Variants in STAP1 observed in about 807,000 individuals in gnomAD.
STAP1 encodes the protein signal transducing adaptor family member 1, also known as signal-transducing adaptor protein 1.
In STAP1, 30 loss-of-function variants were observed where a neutral mutation model predicts 37.8. That is an observed-to-expected ratio of 0.79 (90% CI 0.59 to 1.08). The LOEUF (loss-of-function observed/expected upper bound fraction) is 1.08. Ranked by LOEUF, STAP1 falls within the 50% of genes least tolerant of loss-of-function variation. The pLI is 0.00. For missense variants in STAP1, 357 were observed against 349.4 expected, an observed-to-expected ratio of 1.02 and a Z score of -0.17; for synonymous variants, 130 against 116.0, an observed-to-expected ratio of 1.12 and a Z score of -0.78.
intron 1 of STAP1, among the ~76,000 whole-genome samples, chr4:67,562,746 T>C (rs907281790): frequency 2.0e-5 from 3 of 151,982 alleles, no homozygotes; most frequent in African/African-American, 7.2e-5. Flanking sequence ...CACTCCAACC[T>C]GGGCAACAGA....
chr4:67,570,458 G>A (rs1285920989), intron 1 of STAP1, among the ~76,000 whole-genome samples: 2 of 152,100 alleles, frequency 1.3e-5, no homozygotes, highest in Non-Finnish European at 2.9e-5. Flanking sequence ...TCTTTTTGTG[G>A]CACATGATTG....
rs141115095 is a variant in STAP1 at position 67,590,933 on chromosome 4, A to T, written c.709A>T (p.Thr237Ser). 2 of 1,612,172 alleles carry T rather than the reference A, an allele frequency of 1.2e-6. No homozygotes were observed. Residue 237 changes from threonine to serine, a missense_variant, in exon 7 of 9, where the codon ACT (threonine) becomes TCT (serine). Coordinates refer to ENST00000265404, the MANE Select transcript of STAP1 (RefSeq NM_012108.4). ...AGTGATGAGCGTAGGACAAAACTAC[A>T]CTATTGAACTGGAAAAACCTGTAAG... ...YKVMSVGQNY[T>S]IELEKPVTLP...
chr4:67,571,238 C>G, intron 2 of STAP1, 83 bp downstream of exon 2: 1 of 952,232 alleles, frequency 1.1e-6, no homozygotes, highest in Non-Finnish European at 1.6e-6. Context: ...GATTTTCTGC[C>G]ATCCAAGAAT....
intron 5 of STAP1, among the ~76,000 whole-genome samples, chr4:67,582,111 TCACTGAAACCCGCCAAC>T (rs1416302280): frequency 6.6e-6 from 1 of 152,092 alleles, no homozygotes; most frequent in Non-Finnish European, 1.5e-5. Context: ...TGTACTACAA[TCACTGAAACCCGCCAAC>T]CATCATTTTT....
intron 2 of STAP1, among the ~76,000 whole-genome samples, chr4:67,574,307 T>G (rs1416564982): frequency 6.6e-6 from 1 of 152,136 alleles, no homozygotes; most frequent in Non-Finnish European, 1.5e-5. Context: ...ATTTGACAAA[T>G]GGAGATTTAA....
At chr4:67,579,897 G>T (rs533454341) in intron 4 of STAP1, among the ~76,000 whole-genome samples, 15 of 151,776 alleles carry the variant, frequency 9.9e-5, no homozygotes, top group Non-Finnish European at 1.9e-4. Context: ...ATGGAGTCTT[G>T]CTCTGTCACC....
intron 6 of STAP1, among the ~76,000 whole-genome samples, chr4:67,588,341 AGAC>A (rs35696741): frequency 6.8e-6 from 1 of 146,878 alleles, no homozygotes; most frequent in African/African-American, 2.5e-5. Flanking sequence ...GCTTTGCCAT[AGAC>A]GACGACGACG....
chr4:67,595,013 C>T (rs1728194651), intron 8 of STAP1, among the ~76,000 whole-genome samples: 1 of 151,962 alleles, frequency 6.6e-6, no homozygotes, highest in African/African-American at 2.4e-5. Flanking sequence ...TTAACAGTGT[C>T]TTTAGGAGAG....
chr4:67,598,387 A>G (rs571547760), intron 8 of STAP1, among the ~76,000 whole-genome samples: 1 of 152,192 alleles, frequency 6.6e-6, no homozygotes, highest in East Asian at 1.9e-4. Flanking sequence ...ACTAATTTAC[A>G]TTCCCACTAA....
chr4:67,576,538 G>T (rs1035718953), intron 3 of STAP1, among the ~76,000 whole-genome samples: 7 of 152,202 alleles, frequency 4.6e-5, no homozygotes, highest in African/African-American at 1.7e-4. Flanking sequence ...CCTGTGAAGT[G>T]CTTAAAATAG....
At chr4:67,606,218 C>T (rs1042758136) in intron 8 of STAP1, 78 bp from the exon 9 acceptor site, 1 of 1,197,042 alleles carries the variant, frequency 8.4e-7, no homozygotes, top group African/African-American at 1.5e-5. Flanking sequence ...GCAGGAAAAT[C>T]AACTCACTGA....
chr4:67,597,495 C>T (rs191786896), intron 8 of STAP1, among the ~76,000 whole-genome samples: 31 of 152,280 alleles, frequency 2.0e-4, no homozygotes, highest in African/African-American at 7.0e-4. Context: ...CACCATCCTC[C>T]AGAACCCAGA....
rs1577775343 is a variant in STAP1 at position 67,606,329 on chromosome 4, A to C, written c.860A>C (p.Lys287Thr). The C allele has an allele frequency of 1.9e-6, 3 of 1,612,050 alleles. No individual in the cohort carries two copies. The East Asian group carries it at 6.7e-5, about 36-fold the overall frequency. The change falls in exon 9 of 9, where the codon AAG becomes ACG. Residue 287 changes from lysine to threonine, a missense_variant. Physicochemically the swap from Lys to Thr is moderately conservative, Grantham distance 78 (BLOSUM62 -1). Coordinates refer to ENST00000265404, the MANE Select transcript of STAP1 (RefSeq NM_012108.4). ...QEPSMEGRSE[K>T]LKKNPHIA ...CCCAGTATGGAAGGGAGAAGTGAAAAGTTGAAGAAAAATCCACACATTGCA... is the reference window on the plus strand; with the variant it reads ...CCCAGTATGGAAGGGAGAAGTGAAACGTTGAAGAAAAATCCACACATTGCA...
chr4:67,581,188 C>T (rs562867147), intron 4 of STAP1, 117 bp from the exon 5 acceptor site: 2 of 963,220 alleles, frequency 2.1e-6, no homozygotes, highest in East Asian at 2.6e-5. Context: ...TTAGTCCCTA[C>T]TCATTCACCT....
intron 1 of STAP1, among the ~76,000 whole-genome samples, chr4:67,565,824 A>C (rs1727453771): frequency 6.6e-6 from 1 of 151,754 alleles, no homozygotes; most frequent in Non-Finnish European, 1.5e-5. Flanking sequence ...TGATATATTC[A>C]CAAACTTATA....
rs144690103 is a variant in STAP1 at position 67,587,159 on chromosome 4, G to A, written c.659+3457G>A. ...AGAATTTTAGCTTGTTATACTGTAC[G>A]ACTTAATGTAAAGAATTTGGTAGAA... On this transcript the variant is annotated intron_variant, in intron 6 of 8. Coordinates refer to ENST00000265404, the MANE Select transcript of STAP1 (RefSeq NM_012108.4). 2.6e-5 allele frequency among the ~76,000 whole-genome samples: 4 copies of A among 152,238 alleles called. No homozygotes were observed. In the East Asian group the frequency reaches 5.8e-4, roughly 22 times the overall value.
chr4:67,561,317 T>G (rs1257510256), intron 1 of STAP1, among the ~76,000 whole-genome samples: 2 of 152,222 alleles, frequency 1.3e-5, no homozygotes, highest in Admixed American at 1.3e-4. Flanking sequence ...AAGTAATCTT[T>G]GGAGCTGATT....
In STAP1 at chr4:67,571,114, G is replaced by T. The variant is rs755944867; in HGVS notation, c.151G>T (p.Gly51Ter). The T allele has an allele frequency of 4.3e-6, 7 of 1,611,576 alleles. No individual in the cohort carries two copies. The African/African-American group carries it at 8.0e-5, about 18-fold the overall frequency. The change falls in exon 2 of 9, where the codon GGA (glycine) becomes TGA (stop). Residue 51 changes from glycine to a stop codon, truncating the protein, a stop_gained. Coordinates refer to ENST00000265404, the MANE Select transcript of STAP1 (RefSeq NM_012108.4). LOFTEE classifies it high-confidence loss of function. ...TGAGCATTACTGGACAGAGTTGAGA[G>T]GAACTACTCTTTTCTTTTATACCGA... ...EYEHYWTELRGTTLFFYTDKK... is the reference protein window; with the variant it reads ...EYEHYWTELR
intron 8 of STAP1, among the ~76,000 whole-genome samples, chr4:67,605,088 C>T (rs1013623951): frequency 3.9e-5 from 6 of 152,154 alleles, no homozygotes; most frequent in Admixed American, 6.5e-5. Context: ...ACTCTCGAGC[C>T]GCCAAGGGTC....
Sources: allele counts gnomAD v4.1 joint callset (sites outside exome capture counted in the v4.1 genomes callset), GRCh38; gene constraint gnomAD v4.1.1; transcripts MANE v1.5; gene names NCBI Gene and HGNC (gene_info 2026-07-23, HGNC 2026-07-21).